STRIP2: variants seen among roughly 807,000 people sequenced by gnomAD.
STRIP2 encodes the protein striatin-interacting protein 2.
STRIP2 carries 84 observed loss-of-function variants against 107.1 expected under a neutral mutation model. The ratio of observed to expected loss-of-function variants is 0.78; its 90% CI spans 0.66 to 0.94. The LOEUF (loss-of-function observed/expected upper bound fraction) is 0.94. Ranked by LOEUF, STRIP2 falls within the 40% of genes least tolerant of loss-of-function variation. STRIP2 has a pLI of 0.00. For synonymous variants in STRIP2, 394 were observed against 400.4 expected, an observed-to-expected ratio of 0.98 and a Z score of 0.19; for missense variants, 888 against 1,034.2, an observed-to-expected ratio of 0.86 and a Z score of 1.94.
chr7:129,451,314 G>A (rs1798186046), intron 3 of STRIP2, among the ~76,000 whole-genome samples: 1 of 152,096 alleles, frequency 6.6e-6, no homozygotes, highest in East Asian at 1.9e-4. Context: ...AGGATGACTA[G>A]GAATTGAATA....
chr7:129,443,913 T>C (rs570931131), intron 2 of STRIP2, 111 bp from the exon 3 acceptor site: 61 of 783,766 alleles, frequency 7.8e-5, no homozygotes, highest in African/African-American at 3.7e-4. Flanking sequence ...TTTGGATTCA[T>C]TGGACACAGG....
chr7:129,470,315 A>G (rs759686662), intron 17 of STRIP2, among the ~76,000 whole-genome samples: 1 of 152,246 alleles, frequency 6.6e-6, no homozygotes, highest in South Asian at 2.1e-4. Flanking sequence ...ATATTCACAC[A>G]TACAGTTAAA....
intron 18 of STRIP2, among the ~76,000 whole-genome samples, chr7:129,474,457 A>G (rs1389213394): frequency 2.6e-5 from 4 of 151,998 alleles, no homozygotes; most frequent in African/African-American, 7.3e-5. Context: ...GTGAGCCACA[A>G]TGCCCAGCTG....
At chr7:129,447,131 ATGGCCCAAG>A (rs1243243182) in intron 3 of STRIP2, among the ~76,000 whole-genome samples, 4 of 152,208 alleles carry the variant, frequency 2.6e-5, no homozygotes, top group African/African-American at 9.6e-5. Flanking sequence ...GCTGGGTCAT[ATGGCCCAAG>A]TGGCAGAGCA....
At chr7:129,451,824 G>A (rs761534365) in intron 4 of STRIP2, 77 bp downstream of exon 4, 138 of 1,559,210 alleles carry the variant, frequency 8.9e-5, no homozygotes, top group Admixed American at 1.6e-4. Context: ...CTGAGATGAC[G>A]CAGGCTGTGC....
chr7:129,439,960 C>G, intron 1 of STRIP2, 62 bp from the exon 2 acceptor site: 1 of 1,322,898 alleles, frequency 7.6e-7, no homozygotes, highest in Non-Finnish European at 1.1e-6. Flanking sequence ...AGGGTACAGT[C>G]TTCCCTTGGC....
intron 18 of STRIP2, among the ~76,000 whole-genome samples, chr7:129,471,131 G>A (rs1372078777): frequency 6.6e-6 from 1 of 152,004 alleles, no homozygotes; most frequent in East Asian, 1.9e-4. Context: ...CAAGCAATGT[G>A]TACTTGAGAA....
intron 17 of STRIP2, among the ~76,000 whole-genome samples, chr7:129,470,418 C>A (rs2151011512): frequency 6.6e-6 from 1 of 152,326 alleles, no homozygotes; most frequent in East Asian, 1.9e-4. Context: ...TCTTTTGCAT[C>A]TACCAGATGG....
rs139020675 is a variant in STRIP2, at chr7:129,473,438, G to T, written c.1944+2723G>T. On this transcript the variant is annotated intron_variant, in intron 18 of 20. Coordinates refer to ENST00000249344, the MANE Select transcript of STRIP2 (RefSeq NM_020704.3). ...GTGCAGTGCACTCGGCCTGAAGCAC[G>T]GCCCATCGCAGCCTCAAGCTCCTGG... 1.1e-4 allele frequency among the ~76,000 whole-genome samples: 16 copies of T among 150,494 alleles called. No individual in the cohort carries two copies. The East Asian group carries it at 3.2e-3, about 30-fold the overall frequency.
Position 129,460,339 on chromosome 7 carries a change from T to G in STRIP2, c.1443T>G (p.Asn481Lys), listed in dbSNP as rs1798497176. 2.5e-6 allele frequency: 4 copies of G among 1,613,936 alleles called. No homozygotes were observed. The South Asian group carries it at 3.3e-5, about 13-fold the overall frequency. Residue 481 changes from asparagine (N) to lysine (K), a missense_variant, in exon 13 of 21, where the codon AAT becomes AAG. Asn to Lys is a moderately conservative substitution (Grantham distance 94, BLOSUM62 0). Coordinates refer to ENST00000249344, the MANE Select transcript of STRIP2 (RefSeq NM_020704.3). Reference sequence around the variant, plus strand: ...CCATCGCAGATGTGCAGATCAAGAATGAAGAGGAGCTGGAGAAGTGCCCTA... The same window carrying G: ...CCATCGCAGATGTGCAGATCAAGAAGGAAGAGGAGCTGGAGAAGTGCCCTA... ...YISIADVQIK[N>K]EEELEKCPMS...
At chr7:129,439,923 G>C in intron 1 of STRIP2, 99 bp from the exon 2 acceptor site, 1 of 918,060 alleles carries the variant, frequency 1.1e-6, no homozygotes, top group Non-Finnish European at 1.8e-6. Flanking sequence ...TCTAACCTTG[G>C]CCTCCATGAG....
At chr7:129,459,984 T>C (rs1368042975) in intron 12 of STRIP2, among the ~76,000 whole-genome samples, 2 of 152,178 alleles carry the variant, frequency 1.3e-5, no homozygotes, top group Non-Finnish European at 2.9e-5. Context: ...ATCAAAATTC[T>C]CAGGGCAGTG....
chr7:129,455,394 A>T, intron 8 of STRIP2, 23 bp downstream of exon 8: 3 of 1,606,908 alleles, frequency 1.9e-6, no homozygotes, highest in Non-Finnish European at 2.5e-6. Context: ...CCCCACTCCC[A>T]CATTATCAGA....
rs1584980167 is a variant in STRIP2 at position 129,488,342 on chromosome 7, T to C, written c.*2513T>C. 1 of 152,782 alleles carries C rather than the reference T, an allele frequency of 6.5e-6. No individual in the cohort carries two copies. 9.5% of individuals were successfully genotyped at this position (152,782 alleles called of 1,614,324 possible). On this transcript the variant is annotated 3_prime_UTR_variant, in exon 21 of 21. Coordinates refer to ENST00000249344, the MANE Select transcript of STRIP2 (RefSeq NM_020704.3). ...CAGTAAAGTTTGTGTTGATTGTTGA[T>C]AACACTGTTCATCTACTGAAGCACT...
At chr7:129,482,377 ATTT>A (rs869099836) in intron 19 of STRIP2, among the ~76,000 whole-genome samples, 8,489 of 67,766 alleles carry the variant, frequency 0.13, 298 homozygotes, top group Non-Finnish European at 0.17. Flanking sequence ...ATATATATAT[ATTT>A]TTTTTTTTTT....
At position 129,455,371 on chromosome 7, in the gene STRIP2, GGTGA is replaced by G. The variant is rs762582355; in HGVS notation, c.834+3_834+6del. 1.2e-6 allele frequency: 2 copies of G among 1,611,836 alleles called. No homozygotes were observed. The highest frequency in any genetic ancestry group is 1.7e-6 in the Non-Finnish European group (2 of 1,179,132). The stretch of plus-strand genomic sequence containing the variant: ...TGCTCCTGCTCTGGAAGGTGGTCAT[GGTGA>G]GTAATTCTCCCCACTCCCACATTAT... On this transcript the variant is annotated splice_donor_variant and splice_donor_region_variant and intron_variant, in intron 8 of 20. Coordinates refer to ENST00000249344, the MANE Select transcript of STRIP2 (RefSeq NM_020704.3). LOFTEE classifies it high-confidence loss of function.
intron 3 of STRIP2, 33 bp downstream of exon 3, chr7:129,444,131 T>G: frequency 1.3e-6 from 2 of 1,527,954 alleles, no homozygotes; most frequent in Non-Finnish European, 1.8e-6. Context: ...AGAGACCTGC[T>G]TTTTCCTTTT....
chr7:129,482,565 A>G (rs1317070105), intron 19 of STRIP2, among the ~76,000 whole-genome samples: 2 of 151,636 alleles, frequency 1.3e-5, no homozygotes, highest in Non-Finnish European at 1.5e-5. Flanking sequence ...TTTAGTAGAG[A>G]TGGGGTTTCA....
rs1165016207 is a variant in STRIP2 at position 129,460,362 on chromosome 7, C to G, written c.1466C>G (p.Pro489Arg). The part of the protein sequence containing the change: ...IKNEEELEKC[P>R]MSLGEEVVPE... The stretch of plus-strand genomic sequence containing the variant: ...AATGAAGAGGAGCTGGAGAAGTGCC[C>G]TATGTCTTTGGTGAGCCAAGGAAGC... Residue 489 changes from proline (P) to arginine (R), a missense_variant, in exon 13 of 21, where the codon CCT becomes CGT. Transcript: ENST00000249344. 1 of 1,613,654 alleles carries G rather than the reference C, an allele frequency of 6.2e-7. No homozygotes were observed. Among genetic ancestry groups the G allele is most frequent in the East Asian group, 2.2e-5 (1 of 44,852 alleles).
Sources: gnomAD v4.1 joint callset for allele counts (sites outside exome capture counted in the v4.1 genomes callset) on GRCh38, gnomAD v4.1.1 for gene constraint, MANE v1.5 for transcripts, NCBI Gene and HGNC (gene_info 2026-07-23, HGNC 2026-07-21) for gene names.